Variants in RAB3C observed in about 807,000 individuals in gnomAD.
RAB3C encodes RAB3C, member RAS oncogene family.
RAB3C carries 17 observed loss-of-function variants against 26.4 expected under a neutral mutation model. The ratio of observed to expected loss-of-function variants is 0.64; its 90% confidence interval spans 0.44 to 0.97. The LOEUF (loss-of-function observed/expected upper bound fraction) is 0.97. Ranked by LOEUF, RAB3C falls within the 50% of genes least tolerant of loss-of-function variation. The probability of loss-of-function intolerance (pLI) is 0.00; values close to 1 mark genes in which losing one functional copy is unlikely to be tolerated. For synonymous variants in RAB3C, 91 were observed against 95.9 expected (o/e 0.95, Z 0.30); for missense variants, 242 against 281.9 (o/e 0.86, Z 1.01).
intron 1 of RAB3C, 141 bp downstream of exon 1, chr5:58,583,373 A>G: frequency 1.3e-6 from 2 of 1,528,698 alleles, no homozygotes; most frequent in Non-Finnish European, 1.8e-6. Context: ...GACCCTGGGA[A>G]CAGAGTTGGG....
intron 1 of RAB3C, among the ~76,000 whole-genome samples, chr5:58,613,102 AG>A (rs772161042): frequency 6.6e-6 from 1 of 152,124 alleles, no homozygotes; most frequent in Non-Finnish European, 1.5e-5. Context: ...ACTCTGAAGG[AG>A]GCTGTGGTTA....
At chr5:58,785,576 C>T (rs146498138) in intron 3 of RAB3C, among the ~76,000 whole-genome samples, 1 of 152,290 alleles carries the variant, frequency 6.6e-6, no homozygotes, top group East Asian at 1.9e-4. Flanking sequence ...GGCTAGAGAA[C>T]TCACATTTCT....
chr5:58,662,740 A>C (rs1747929757), intron 2 of RAB3C, among the ~76,000 whole-genome samples: 1 of 150,268 alleles, frequency 6.7e-6, no homozygotes, highest in Non-Finnish European at 1.5e-5. Context: ...ACAGACAAAA[A>C]GTAAGCTGTG....
At chr5:58,830,879 CTT>C (rs5868141) in intron 4 of RAB3C, among the ~76,000 whole-genome samples, 2 of 150,610 alleles carry the variant, frequency 1.3e-5, no homozygotes, top group African/African-American at 4.9e-5. Flanking sequence ...CGCAATAGGT[CTT>C]TTTTTTTTAG....
At chr5:58,742,002 TA>T (rs147522926) in intron 3 of RAB3C, 10,495 of 134,582 alleles carry the variant, frequency 0.078, 425 homozygotes, top group East Asian at 0.14. Context: ...AGACTCCGTC[TA>T]AAAAAAAAAA....
intron 3 of RAB3C, among the ~76,000 whole-genome samples, chr5:58,795,902 T>C (rs1392604118): frequency 1.3e-5 from 2 of 151,946 alleles, no homozygotes; most frequent in Non-Finnish European, 2.9e-5. Context: ...ATCTTGTTAA[T>C]AGAGTGAAAC....
chr5:58,582,926 G>T (rs1745930761), upstream of RAB3C: 4 of 690,288 alleles, frequency 5.8e-6, no homozygotes, highest in South Asian at 1.0e-4. Context: ...GGCGGATCGA[G>T]CCTGTTTAAT....
intron 2 of RAB3C, among the ~76,000 whole-genome samples, chr5:58,643,655 G>A (rs1286253912): frequency 6.6e-6 from 1 of 152,038 alleles, no homozygotes; most frequent in African/African-American, 2.4e-5. Flanking sequence ...CAACATGGGC[G>A]ATAGAGTGAG....
At chr5:58,782,509 T>G (rs1042492546) in intron 3 of RAB3C, among the ~76,000 whole-genome samples, 9 of 152,198 alleles carry the variant, frequency 5.9e-5, no homozygotes, top group African/African-American at 2.2e-4. Context: ...ATTACTCATC[T>G]TTGACAGTAA....
At chr5:58,654,697 T>C (rs965053676) in intron 2 of RAB3C, among the ~76,000 whole-genome samples, 1 of 151,828 alleles carries the variant, frequency 6.6e-6, no homozygotes, top group African/African-American at 2.4e-5. Flanking sequence ...TCTTTTTCCC[T>C]CTCTCTCTCT....
At position 58,704,381 on chromosome 5, in the gene RAB3C, C is replaced by T. The variant is rs528613142; in HGVS notation, c.253-21621C>T. 3.3e-5 allele frequency among the ~76,000 whole-genome samples: 5 copies of T among 152,218 alleles called. No homozygotes were observed. In the South Asian group the frequency reaches 1.0e-3, roughly 32 times the overall value. On this transcript the variant is annotated intron_variant, in intron 2 of 4. Transcript: ENST00000282878. ...GCTCAAGTTTGCCTGCTGGTGTACTCAGATAAGAGGAAGCAGCTAGACTTC... is the reference window on the plus strand; with the variant it reads ...GCTCAAGTTTGCCTGCTGGTGTACTTAGATAAGAGGAAGCAGCTAGACTTC...
intron 3 of RAB3C, among the ~76,000 whole-genome samples, chr5:58,790,488 A>G (rs1035884448): frequency 7.2e-5 from 11 of 152,208 alleles, no homozygotes; most frequent in African/African-American, 2.4e-4. Context: ...CTTATTGTCC[A>G]TAAGAAAGTG....
At chr5:58,640,979 C>T (rs1160851562) in intron 2 of RAB3C, among the ~76,000 whole-genome samples, 2 of 152,112 alleles carry the variant, frequency 1.3e-5, no homozygotes, top group African/African-American at 4.8e-5. Flanking sequence ...CAGATCATTC[C>T]TTGGATTGTG....
intron 2 of RAB3C, among the ~76,000 whole-genome samples, chr5:58,627,466 C>G (rs918732785): frequency 2.1e-5 from 1 of 47,130 alleles, no homozygotes; most frequent in Non-Finnish European, 3.9e-5. Flanking sequence ...AGCGAGACTC[C>G]GTCTTAAAAA....
At chr5:58,677,975 T>TG (rs1378691184) in intron 2 of RAB3C, among the ~76,000 whole-genome samples, 50 of 89,752 alleles carry the variant, frequency 5.6e-4, no homozygotes, top group African/African-American at 1.7e-3. Context: ...GCTAGATTAT[T>TG]TTGTGTGTGT....
At chr5:58,737,801 A>G (rs1294974316) in intron 3 of RAB3C, among the ~76,000 whole-genome samples, 1 of 152,122 alleles carries the variant, frequency 6.6e-6, no homozygotes, top group Non-Finnish European at 1.5e-5. Context: ...TTCAAATCAC[A>G]TATGGAGGCA....
chr5:58,606,339 G>A (rs1036057511), intron 1 of RAB3C, among the ~76,000 whole-genome samples: 1 of 152,198 alleles, frequency 6.6e-6, no homozygotes, highest in African/African-American at 2.4e-5. Flanking sequence ...GCAGCCTGAT[G>A]GGGGAGGGGC....
At chr5:58,644,825 CTCTA>C (rs1370230402) in intron 2 of RAB3C, among the ~76,000 whole-genome samples, 1 of 152,176 alleles carries the variant, frequency 6.6e-6, no homozygotes, top group Non-Finnish European at 1.5e-5. Flanking sequence ...CTTCTCTGCA[CTCTA>C]TCTTTTTCCC....
At chr5:58,605,337 T>C (rs1177193903) in intron 1 of RAB3C, among the ~76,000 whole-genome samples, 1 of 152,134 alleles carries the variant, frequency 6.6e-6, no homozygotes, top group Non-Finnish European at 1.5e-5. Flanking sequence ...ACCATGATTA[T>C]CTCTCCTCTC....
Sources: allele counts gnomAD v4.1 joint callset (sites outside exome capture counted in the v4.1 genomes callset), GRCh38; gene constraint gnomAD v4.1.1; transcripts MANE v1.5; gene names NCBI Gene and HGNC (gene_info 2026-07-23, HGNC 2026-07-21).